The following NLRP1 variants were observed in gnomAD, a reference collection of about 807,000 sequenced individuals.
The protein encoded by NLRP1 is NACHT, LRR and PYD domains-containing protein 1.
In NLRP1, 94 loss-of-function variants were observed where a neutral mutation model predicts 136.7. The observed-to-expected ratio is 0.69, with a 90% CI of 0.58 to 0.82. NLRP1 has a LOEUF of 0.82. Among genes scored for constraint, NLRP1 ranks in the 40% least tolerant of loss-of-function variants. The pLI, the probability that NLRP1 is intolerant of heterozygous loss-of-function variation, is 0.00. For missense variants in NLRP1, 1,575 were observed against 1,802.7 expected (o/e 0.87, Z 2.29); for synonymous variants, 690 against 725.1 (o/e 0.95, Z 0.78).
intron 3 of NLRP1, among the ~76,000 whole-genome samples, chr17:5,560,594 G>C (rs1265411932): frequency 6.6e-6 from 1 of 152,186 alleles, no homozygotes; most frequent in East Asian, 1.9e-4. Context: ...AAATACTGGA[G>C]GATAGTTCTC....
intron 11 of NLRP1, among the ~76,000 whole-genome samples, chr17:5,531,681 A>T (rs1047229816): frequency 6.6e-6 from 1 of 152,066 alleles, no homozygotes; most frequent in African/African-American, 2.4e-5. Context: ...CCTGGTTGAG[A>T]TGATGTCTGT....
At position 5,514,910 on chromosome 17, in the gene NLRP1, C is replaced by T. The variant is rs368481005; in HGVS notation, c.4266G>A (p.Arg1422=). 5.6e-6 allele frequency: 9 copies of T among 1,614,092 alleles called. No individual in the cohort carries two copies. In the African/African-American group the frequency reaches 1.1e-4, roughly 19 times the overall value. ...TGAACAGCTTCCGCATCTGGCTGGG[C>T]CTCGTGTTCTCAGCCAGCACCCTCT... is the stretch of plus-strand genomic sequence containing the variant. ...QYERVLAENT[R]PSQMRKLFSL... Residue 1422 remains arginine, a synonymous_variant, in exon 17 of 17, where the codon AGG becomes AGA. Coordinates refer to ENST00000572272, the MANE Select transcript of NLRP1 (RefSeq NM_033004.4).
At chr17:5,577,078 A>G (rs1167423816) in intron 3 of NLRP1, among the ~76,000 whole-genome samples, 2 of 152,132 alleles carry the variant, frequency 1.3e-5, no homozygotes, top group East Asian at 3.9e-4. Flanking sequence ...CATGCTAAAA[A>G]CCCTCAATAA....
At chr17:5,515,617 T>C in intron 15 of NLRP1, 100 bp from the exon 16 acceptor site, 2 of 992,230 alleles carry the variant, frequency 2.0e-6, no homozygotes, top group Non-Finnish European at 3.1e-6. Flanking sequence ...GATTCTTTGA[T>C]TTAGAAAAAA....
In NLRP1 at chr17:5,537,182, T is replaced by C. The variant is rs182671996; in HGVS notation, c.2871-242A>G. ...ACGTGGGCTGTGAGGCAGTCTCCAA[T>C]GGAGGCCTCAGCCAACTCTGGGAGA... is the stretch of plus-strand genomic sequence containing the variant. On this transcript the variant is annotated intron_variant, in intron 7 of 16. Coordinates refer to ENST00000572272, the MANE Select transcript of NLRP1 (RefSeq NM_033004.4). The surrounding 1 kb of genome is among the most constrained non-coding windows in gnomAD (Gnocchi z 4.5). Among the ~76,000 whole-genome samples, 241 of 152,324 alleles carry C rather than the reference T, an allele frequency of 1.6e-3. No individual in the cohort carries two copies. Among genetic ancestry groups the C allele is most frequent in the Admixed American group, 6.1e-3 (94 of 15,308 alleles).
Position 5,583,568 on chromosome 17 carries a change from A to ATGTCAC in NLRP1, c.271+113_271+118dup, listed in dbSNP as rs1488400670. 83 of 1,082,990 alleles carry ATGTCAC rather than the reference A, an allele frequency of 7.7e-5. No individual in the cohort carries two copies. Among genetic ancestry groups the ATGTCAC allele is most frequent in the Non-Finnish European group, 9.9e-5 (76 of 769,082 alleles). 67.1% of individuals were successfully genotyped at this position (1,082,990 alleles called of 1,614,324 possible). The stretch of plus-strand genomic sequence containing the variant: ...GATCCCCCTTTGAGAGGGCAGTTCC[A>ATGTCAC]TGTCACTGCTCAGAGGAAGGCCTGG... On this transcript the variant is annotated intron_variant, in intron 1 of 16. Coordinates refer to ENST00000572272, the MANE Select transcript of NLRP1 (RefSeq NM_033004.4). This position sits in a 1 kb window ranked among gnomAD's most constrained non-coding sequence, Gnocchi z 4.5.
chr17:5,533,406 CA>C (rs1567641474), intron 9 of NLRP1, 22 bp from the exon 10 acceptor site: 1 of 866,492 alleles, frequency 1.2e-6, no homozygotes, highest in East Asian at 2.6e-5. Context: ...AGAAAAATAT[CA>C]GCCAGGCATG....
chr17:5,503,827 A>G (rs555032019), intron 15 of NLRP1: 13 of 138,764 alleles, frequency 9.4e-5, no homozygotes, highest in African/African-American at 3.8e-4. Flanking sequence ...CTGGAGCCAG[A>G]ATCCACCAAA....
At chr17:5,513,927 C>T (rs1390169819), downstream of NLRP1, among the ~76,000 whole-genome samples, 7 of 152,172 alleles carry the variant, frequency 4.6e-5, no homozygotes, top group African/African-American at 7.2e-5. Flanking sequence ...AGCGCCATGA[C>T]AGTTTACGAA....
At chr17:5,517,572 G>T in intron 15 of NLRP1, among the ~76,000 whole-genome samples, 174 bp downstream of exon 15, 1 of 152,172 alleles carries the variant, frequency 6.6e-6, no homozygotes, top group Non-Finnish European at 1.5e-5. Flanking sequence ...ACTTTTGGTA[G>T]AGATGGGGTT....
intron 4 of NLRP1, among the ~76,000 whole-genome samples, chr17:5,553,973 T>A (rs1041885130): frequency 1.4e-4 from 21 of 151,996 alleles, no homozygotes; most frequent in African/African-American, 4.6e-4. Flanking sequence ...TTAAAAAAAA[T>A]TTGACAGCCT....
chr17:5,552,894 T>G (rs1309988795), intron 5 of NLRP1, among the ~76,000 whole-genome samples: 1 of 152,240 alleles, frequency 6.6e-6, no homozygotes, highest in Admixed American at 6.5e-5. Flanking sequence ...CAGTTTCTAT[T>G]TTGAAAATGT....
Position 5,524,308 on chromosome 17 carries a change from T to C in NLRP1, c.3521-2522A>G, listed in dbSNP as rs192763579. ...CTCTTGTTTCCTGTGACAGTTTAAC[T>C]TGCTGCAAGGATGTCAGACCATTTA... On this transcript the variant is annotated intron_variant, in intron 12 of 16. Transcript: ENST00000572272. Among the ~76,000 whole-genome samples, 24 of 152,376 alleles carry C rather than the reference T, an allele frequency of 1.6e-4. No homozygotes were observed. In the East Asian group the frequency reaches 3.5e-3, roughly 22 times the overall value.
At chr17:5,543,405 G>A (rs1215000190) in intron 5 of NLRP1, among the ~76,000 whole-genome samples, 8 of 152,172 alleles carry the variant, frequency 5.3e-5, no homozygotes, top group Non-Finnish European at 1.2e-4. Flanking sequence ...TGATGTTAGC[G>A]TAAAGGCTAC....
At chr17:5,542,948 G>A (rs563931249) in intron 5 of NLRP1, among the ~76,000 whole-genome samples, 49 of 152,248 alleles carry the variant, frequency 3.2e-4, no homozygotes, top group African/African-American at 1.1e-3. Context: ...TCCTGCCTCA[G>A]CCTCCTGAGT....
chr17:5,563,056 A>C (rs1041135755), intron 3 of NLRP1, among the ~76,000 whole-genome samples: 3 of 152,122 alleles, frequency 2.0e-5, no homozygotes, highest in Non-Finnish European at 2.9e-5. Context: ...GACTGAACCC[A>C]CCTTATACGA....
intron 4 of NLRP1, among the ~76,000 whole-genome samples, chr17:5,556,348 C>G (rs12150468): frequency 0.066 from 9,980 of 151,498 alleles, 421 homozygotes; most frequent in African/African-American, 0.11. Context: ...CAGCTCCTAG[C>G]GGGGCTGAGG....
chr17:5,542,922 T>C (rs1391954777), intron 5 of NLRP1, among the ~76,000 whole-genome samples: 1 of 151,450 alleles, frequency 6.6e-6, no homozygotes, highest in African/African-American at 2.4e-5. Flanking sequence ...CTCCGCGCCC[T>C]GGGTTCAAGT....
chr17:5,513,372 A>C (rs766968436), downstream of NLRP1, among the ~76,000 whole-genome samples: 1 of 152,240 alleles, frequency 6.6e-6, no homozygotes. Flanking sequence ...GATTACATGC[A>C]TGAGCCACCA....
Sources: gnomAD v4.1 joint callset for allele counts (sites outside exome capture counted in the v4.1 genomes callset) on GRCh38, gnomAD v4.1.1 for gene constraint, Gnocchi (gnomAD v3.1) non-coding constraint, MANE v1.5 for transcripts, NCBI Gene and HGNC (gene_info 2026-07-23, HGNC 2026-07-21) for gene names.